The following PBX1 variants were observed in gnomAD, a reference collection of about 807,000 sequenced individuals.
PBX1 encodes the protein PBX homeobox 1.
PBX1 carries 6 observed loss-of-function variants against 53.4 expected under a neutral mutation model. The observed-to-expected ratio is 0.11, with a 90% CI of 0.06 to 0.22. The LOEUF (loss-of-function observed/expected upper bound fraction) is 0.22, where lower values mean the gene tolerates loss of function less well. PBX1 is among the 10% of genes least tolerant of loss of function. PBX1 has a pLI of 1.00. For missense variants in PBX1, 251 were observed against 551.4 expected (o/e 0.46, Z 5.46); for synonymous variants, 204 against 212.3 (o/e 0.96, Z 0.34).
At chr1:164,756,590 T>G (rs1252328968) in intron 2 of PBX1, among the ~76,000 whole-genome samples, 1 of 152,182 alleles carries the variant, frequency 6.6e-6, no homozygotes, top group Non-Finnish European at 1.5e-5. Flanking sequence ...TCACATAAAT[T>G]TTGGTAATTC....
chr1:164,813,935 A>G (rs1186066563), intron 6 of PBX1: 1 of 152,250 alleles, frequency 6.6e-6, no homozygotes, highest in Non-Finnish European at 1.5e-5. Context: ...CTTAAACATC[A>G]TGTGACTATT....
chr1:164,668,654 C>T (rs949526226), intron 2 of PBX1, among the ~76,000 whole-genome samples: 2 of 152,218 alleles, frequency 1.3e-5, no homozygotes, highest in African/African-American at 4.8e-5. Flanking sequence ...CTTCCCCTTT[C>T]GCCTTACCTT....
At chr1:164,630,659 G>A (rs1002107941) in intron 2 of PBX1, among the ~76,000 whole-genome samples, 1 of 152,284 alleles carries the variant, frequency 6.6e-6, no homozygotes, top group Admixed American at 6.5e-5. Context: ...TGTGGAAAAT[G>A]AGCCCTAGAG....
Position 164,849,145 on chromosome 1 carries a change from A to C in PBX1, c.*2469A>C. 1 of 1,389,028 alleles carries C rather than the reference A, an allele frequency of 7.2e-7. No individual in the cohort carries two copies. Among genetic ancestry groups the C allele is most frequent in the Non-Finnish European group, 9.3e-7 (1 of 1,071,808 alleles). The allele number at this position is 1,389,028 out of a possible 1,614,324, so 86.0% of individuals were successfully genotyped here. A position where few individuals can be genotyped will look rare whatever the true frequency, so the allele number is the denominator to read the frequency against. On this transcript the variant is annotated 3_prime_UTR_variant, in exon 9 of 9. Coordinates refer to ENST00000420696, the MANE Select transcript of PBX1 (RefSeq NM_002585.4). ...TTAGGGCAAAGTACGAAAGAGAGAC[A>C]AAAGGGTTCTCTTGGAAACAAGAAG...
chr1:164,816,975 C>T (rs1370296255), intron 6 of PBX1: 3 of 151,980 alleles, frequency 2.0e-5, no homozygotes, highest in Non-Finnish European at 4.4e-5. Flanking sequence ...TGATGTCTGC[C>T]CAAGCAAATG....
intron 2 of PBX1, among the ~76,000 whole-genome samples, chr1:164,765,478 T>G (rs1348941643): frequency 6.6e-6 from 1 of 152,214 alleles, no homozygotes; most frequent in East Asian, 1.9e-4. Flanking sequence ...GGTGCCAGAT[T>G]TAAGGCAGGA....
At chr1:164,624,296 T>C (rs1255493054) in intron 2 of PBX1, among the ~76,000 whole-genome samples, 1 of 152,212 alleles carries the variant, frequency 6.6e-6, no homozygotes, top group East Asian at 1.9e-4. Flanking sequence ...AAAAGAAGTT[T>C]TATTGTGTTA....
intron 2 of PBX1, among the ~76,000 whole-genome samples, chr1:164,719,768 G>A (rs929567745): frequency 6.6e-6 from 1 of 152,104 alleles, no homozygotes; most frequent in Non-Finnish European, 1.5e-5. Context: ...CACATGGGGG[G>A]TATGTGTGTG....
chr1:164,882,662 A>G (rs1029072767), intron 2 of PBX1, among the ~76,000 whole-genome samples: 2 of 152,030 alleles, frequency 1.3e-5, no homozygotes, highest in African/African-American at 4.8e-5. Context: ...CTGGCCTCCA[A>G]CTCCTGGCCT....
At chr1:164,647,367 A>G (rs992914834) in intron 2 of PBX1, among the ~76,000 whole-genome samples, 7 of 152,134 alleles carry the variant, frequency 4.6e-5, no homozygotes, top group Admixed American at 3.9e-4. Context: ...CCACCACTAC[A>G]GCCAAAGGAG....
chr1:164,866,704 G>A (rs1256566080), intron 2 of PBX1, among the ~76,000 whole-genome samples: 3 of 152,178 alleles, frequency 2.0e-5, no homozygotes, highest in Non-Finnish European at 4.4e-5. Context: ...ATGAGTTGTT[G>A]ATTATTTTAT....
Position 164,812,132 on chromosome 1 carries a change from C to T in PBX1, c.980C>T (p.Ser327Leu). Residue 327 changes from serine to leucine, a missense_variant, in exon 6 of 9, where the codon TCA becomes TTA. Transcript: ENST00000420696. ...SAHGSQANSP[S>L]TPNSAGSSSS... Reference sequence around the variant, plus strand: ...CATGGAAGCCAAGCTAACTCGCCCTCAACTCCCAACTCGGCTGGTTAGTTT... The same window carrying T: ...CATGGAAGCCAAGCTAACTCGCCCTTAACTCCCAACTCGGCTGGTTAGTTT... The T allele has an allele frequency of 6.2e-7, 1 of 1,611,456 alleles. No homozygotes were observed. Among genetic ancestry groups the T allele is most frequent in the Non-Finnish European group, 8.5e-7 (1 of 1,178,652 alleles).
At chr1:164,729,882 C>A (rs1167071335) in intron 2 of PBX1, among the ~76,000 whole-genome samples, 1 of 152,204 alleles carries the variant, frequency 6.6e-6, no homozygotes, top group Non-Finnish European at 1.5e-5. Flanking sequence ...ATTTCCTCTG[C>A]ATCAGGCACT....
At chr1:164,725,288 C>G (rs1001013779) in intron 2 of PBX1, among the ~76,000 whole-genome samples, 9 of 152,190 alleles carry the variant, frequency 5.9e-5, no homozygotes, top group South Asian at 2.1e-4. Context: ...TGAGGCTCAG[C>G]TGACTTCACA....
chr1:164,620,807 C>T (rs1347851473), intron 2 of PBX1, among the ~76,000 whole-genome samples: 2 of 151,334 alleles, frequency 1.3e-5, no homozygotes, highest in African/African-American at 2.4e-5. Context: ...TTCAGCCTCC[C>T]GAGTAGCTGG....
intron 2 of PBX1, among the ~76,000 whole-genome samples, chr1:164,729,306 G>A (rs1055817243): frequency 1.3e-5 from 2 of 152,174 alleles, no homozygotes; most frequent in African/African-American, 2.4e-5. Flanking sequence ...TGCTCACTAT[G>A]AAATGGACAG....
intron 2 of PBX1, among the ~76,000 whole-genome samples, chr1:164,647,514 C>T (rs1659529838): frequency 6.6e-6 from 1 of 152,172 alleles, no homozygotes; most frequent in South Asian, 2.1e-4. Flanking sequence ...CCCTGGGCCC[C>T]TCCCAGGTAT....
At chr1:164,584,363 A>AG in intron 2 of PBX1, among the ~76,000 whole-genome samples, 1 of 148,010 alleles carries the variant, frequency 6.8e-6, no homozygotes, top group African/African-American at 2.5e-5. Flanking sequence ...GAGAGAGAGA[A>AG]AGAGAGAGAG....
chr1:164,585,957 A>G (rs1654925105), intron 2 of PBX1, among the ~76,000 whole-genome samples: 1 of 152,202 alleles, frequency 6.6e-6, no homozygotes, highest in Admixed American at 6.5e-5. Flanking sequence ...TATGACATTC[A>G]TTCATTCATT....
Sources: gnomAD v4.1 joint callset for allele counts (sites outside exome capture counted in the v4.1 genomes callset) on GRCh38, gnomAD v4.1.1 for gene constraint, MANE v1.5 for transcripts, NCBI Gene and HGNC (gene_info 2026-07-23, HGNC 2026-07-21) for gene names.